NBAS: variants seen among roughly 807,000 people sequenced by gnomAD.
NBAS encodes the protein NAG/BC035112 fusion.
Under a neutral mutation model 302.5 loss-of-function variants are expected in NBAS, and 219 were observed. The ratio of observed to expected loss-of-function variants is 0.72; its 90% CI spans 0.65 to 0.81. NBAS has a LOEUF of 0.81. Ranked by LOEUF, NBAS falls within the 30% of genes least tolerant of loss-of-function variation. NBAS has a pLI of 0.00. For synonymous variants in NBAS, 1,118 were observed against 1,021.6 expected (o/e 1.09, Z -1.80); for missense variants, 2,932 against 2,841.6 (o/e 1.03, Z -0.72).
At chr2:15,535,661 CCAATA>C (rs1663470240) in intron 8 of NBAS, among the ~76,000 whole-genome samples, 1 of 151,976 alleles carries the variant, frequency 6.6e-6, no homozygotes, top group African/African-American at 2.4e-5. Flanking sequence ...CTTATAATAT[CCAATA>C]CAATATAAAT....
At chr2:15,053,734 A>G in the NBAS span, among the ~76,000 whole-genome samples, 5 of 152,122 alleles carry the variant, frequency 3.3e-5, no homozygotes, top group African/African-American at 1.2e-4. Flanking sequence ...CCATGTGGAG[A>G]AAGATTCAAG....
At chr2:14,808,375 C>A in the NBAS span, among the ~76,000 whole-genome samples, 1 of 152,144 alleles carries the variant, frequency 6.6e-6, no homozygotes, top group Admixed American at 6.5e-5. Context: ...CCATCCAAAC[C>A]TCATCTTGTA....
the NBAS span, among the ~76,000 whole-genome samples, chr2:14,849,327 T>A: frequency 6.6e-6 from 1 of 151,914 alleles, no homozygotes; most frequent in South Asian, 2.1e-4. Flanking sequence ...AGAAAGGGTA[T>A]CAGCAATGGA....
At chr2:15,551,340 TAAA>T (rs35998279) in intron 6 of NBAS, among the ~76,000 whole-genome samples, 150 bp downstream of exon 6, 1 of 143,210 alleles carries the variant, frequency 7.0e-6, no homozygotes, top group African/African-American at 2.6e-5. Context: ...TTTAAGACAG[TAAA>T]AAAAAAAAAA....
rs1308305578 is a variant in NBAS, at chr2:15,302,198, CA to C, written c.4797+6017del. Among the ~76,000 whole-genome samples the C allele has an allele frequency of 2.9e-4, 44 of 152,264 alleles. 1 individual carries two copies. Among genetic ancestry groups the C allele is most frequent in the Non-Finnish European group, 3.5e-4 (24 of 68,018 alleles). On this transcript the variant is annotated intron_variant, in intron 40 of 51. Coordinates refer to ENST00000281513, the MANE Select transcript of NBAS (RefSeq NM_015909.4). ...TGTATCTGTCTGTCTGGAAGACATT[CA>C]AAAAGGCTTTGCATCTTGATAGGAA...
chr2:15,493,732 G>T (rs1455552580), intron 11 of NBAS, among the ~76,000 whole-genome samples: 4 of 150,400 alleles, frequency 2.7e-5, no homozygotes, highest in Admixed American at 2.0e-4. Flanking sequence ...ACTGTATTAA[G>T]ATTTCTCAGC....
chr2:15,518,875 T>C (rs1020776778), intron 9 of NBAS, among the ~76,000 whole-genome samples: 5 of 152,034 alleles, frequency 3.3e-5, no homozygotes, highest in Non-Finnish European at 7.4e-5. Flanking sequence ...TTTTTTAAAA[T>C]CATCAGATCT....
At chr2:15,178,423 TCC>T (rs1483864603) in intron 51 of NBAS, among the ~76,000 whole-genome samples, 1 of 152,178 alleles carries the variant, frequency 6.6e-6, no homozygotes, top group East Asian at 1.9e-4. Flanking sequence ...GAAAGTTTCT[TCC>T]TAATCATAAT....
chr2:15,226,358 T>A (rs1667151393), intron 47 of NBAS, among the ~76,000 whole-genome samples: 1 of 152,222 alleles, frequency 6.6e-6, no homozygotes. Flanking sequence ...GACAGATATA[T>A]GCTTTTAGAA....
chr2:14,829,037 T>C, the NBAS span, among the ~76,000 whole-genome samples: 2 of 151,846 alleles, frequency 1.3e-5, no homozygotes, highest in Non-Finnish European at 2.9e-5. Flanking sequence ...GATTTTTGTT[T>C]TTCTTTTTTT....
In NBAS at chr2:15,416,273, T is replaced by C. The variant is rs546660130; in HGVS notation, c.2764-554A>G. On this transcript the variant is annotated intron_variant, in intron 24 of 51. Transcript: ENST00000281513. ...AAAGTCAGGAATCTCTCCCTTCTTTTTCCTCTTCCTCTTTGTTTTGCCCCT... is the reference window on the plus strand; with the variant it reads ...AAAGTCAGGAATCTCTCCCTTCTTTCTCCTCTTCCTCTTTGTTTTGCCCCT... 1.2e-3 allele frequency among the ~76,000 whole-genome samples: 187 copies of C among 152,302 alleles called. 2 individuals are homozygous for C. The highest frequency in any genetic ancestry group is 3.9e-3 in the African/African-American group (160 of 41,556).
intron 29 of NBAS, among the ~76,000 whole-genome samples, chr2:15,380,134 T>C (rs1027132022): frequency 2.6e-5 from 4 of 152,220 alleles, no homozygotes; most frequent in Admixed American, 2.0e-4. Context: ...GGGTCAAGTA[T>C]CCAAAGTTGA....
At chr2:14,895,465 A>G in the NBAS span, among the ~76,000 whole-genome samples, 1 of 152,224 alleles carries the variant, frequency 6.6e-6, no homozygotes, top group Non-Finnish European at 1.5e-5. Context: ...CAGGCAGGGC[A>G]CTGTGGCTCA....
the NBAS span, among the ~76,000 whole-genome samples, chr2:14,856,156 G>A: frequency 7.3e-3 from 1,112 of 152,288 alleles, 7 homozygotes; most frequent in Middle Eastern, 0.031. Flanking sequence ...TCTCTGCCTC[G>A]TAATCCAGAG....
intron 9 of NBAS, among the ~76,000 whole-genome samples, chr2:15,524,980 TA>T (rs1031409564): frequency 6.6e-6 from 1 of 152,136 alleles, no homozygotes; most frequent in African/African-American, 2.4e-5. Context: ...GCTGAAGACT[TA>T]ATTCCCTCTT....
Position 15,473,286 on chromosome 2 carries a change from T to C in NBAS, c.1661A>G (p.Asp554Gly), listed in dbSNP as rs1680036811. The change falls in exon 16 of 52, where the codon GAC becomes GGC. Residue 554 changes from aspartate (D) to glycine (G), a missense_variant. Transcript: ENST00000281513. ...SLAHTYGLDT[D>G]LVYQRQWRKS... ...CCTCCACTGCCTCTGATATACAAGG[T>C]CAGTATCCAGGCCGTAGGTATGAGC... The C allele has an allele frequency of 6.2e-7, 1 of 1,614,044 alleles. No homozygotes were observed. Among genetic ancestry groups the C allele is most frequent in the Non-Finnish European group, 8.5e-7 (1 of 1,179,934 alleles).
the NBAS span, among the ~76,000 whole-genome samples, chr2:14,791,044 G>A: frequency 1.3e-5 from 2 of 152,020 alleles, no homozygotes; most frequent in Admixed American, 6.6e-5. Flanking sequence ...TAGTAGAGAC[G>A]GGGTTTCTCC....
At chr2:15,013,714 A>G in the NBAS span, among the ~76,000 whole-genome samples, 1 of 152,112 alleles carries the variant, frequency 6.6e-6, no homozygotes, top group Non-Finnish European at 1.5e-5. Context: ...AGCCTGGAAG[A>G]TGGAGGCTGC....
intron 9 of NBAS, among the ~76,000 whole-genome samples, chr2:15,520,791 T>TTAA (rs1662632173): frequency 1.3e-5 from 2 of 152,250 alleles, no homozygotes; most frequent in South Asian, 4.1e-4. Context: ...AGGCCACATT[T>TTAA]GGCCCACAGG....
Sources: allele counts gnomAD v4.1 joint callset (sites outside exome capture counted in the v4.1 genomes callset), GRCh38; gene constraint gnomAD v4.1.1; transcripts MANE v1.5; gene names NCBI Gene and HGNC (gene_info 2026-07-23, HGNC 2026-07-21).